SGCZ: variants seen among roughly 807,000 people sequenced by gnomAD.
SGCZ encodes the protein zeta-sarcoglycan.
SGCZ carries 40 observed loss-of-function variants against 41.3 expected under a neutral mutation model. The observed-to-expected ratio is 0.97, with a 90% CI of 0.75 to 1.26. The LOEUF (loss-of-function observed/expected upper bound fraction) is 1.26. SGCZ is among the 50% of genes most tolerant of loss of function. The probability of loss-of-function intolerance (pLI) is 0.00; values close to 1 mark genes in which losing one functional copy is unlikely to be tolerated. For missense variants in SGCZ, 552 were observed against 369.8 expected (o/e 1.49, Z -4.04); for synonymous variants, 206 against 137.5 (o/e 1.50, Z -3.49).
chr8:14,970,922 C>A (rs544690591), intron 1 of SGCZ, among the ~76,000 whole-genome samples: 1 of 152,164 alleles, frequency 6.6e-6, no homozygotes, highest in Non-Finnish European at 1.5e-5. Flanking sequence ...ATCTTTCCAG[C>A]CATGAATACT....
chr8:14,384,417 C>T (rs1804491719), intron 2 of SGCZ, among the ~76,000 whole-genome samples: 1 of 151,882 alleles, frequency 6.6e-6, no homozygotes, highest in South Asian at 2.1e-4. Context: ...CACAAATACA[C>T]CATGGAATAC....
At chr8:14,585,502 C>T (rs1805027909) in intron 1 of SGCZ, among the ~76,000 whole-genome samples, 1 of 151,980 alleles carries the variant, frequency 6.6e-6, no homozygotes, top group South Asian at 2.1e-4. Flanking sequence ...TGGTATTTCT[C>T]CAAAGGTTGC....
intron 1 of SGCZ, among the ~76,000 whole-genome samples, chr8:15,126,171 A>C (rs1807673620): frequency 6.6e-6 from 1 of 152,196 alleles, no homozygotes; most frequent in African/African-American, 2.4e-5. Context: ...ACAAACAAAC[A>C]AAAAATGATT....
chr8:14,624,580 T>A (rs1460269949), intron 1 of SGCZ, among the ~76,000 whole-genome samples: 14 of 136,654 alleles, frequency 1.0e-4, no homozygotes, highest in Admixed American at 4.5e-4. Context: ...TTTTTTTTTT[T>A]TTTTTTTTGA....
chr8:14,485,833 A>ATTTTTTTTTTTTTTTTTTTTTTTTTT (rs71209049), intron 2 of SGCZ, among the ~76,000 whole-genome samples: 1 of 103,368 alleles, frequency 9.7e-6, no homozygotes, highest in Non-Finnish European at 1.9e-5. Flanking sequence ...CTCTAGAACA[A>ATTTTTTTTTTTTTTTTTTTTTTTTTT]TTTTTTTTTT....
At chr8:14,146,275 GTGGTAT>G (rs1183226352) in intron 5 of SGCZ, among the ~76,000 whole-genome samples, 1 of 152,198 alleles carries the variant, frequency 6.6e-6, no homozygotes, top group Non-Finnish European at 1.5e-5. Context: ...CTGGGAGAGA[GTGGTAT>G]GACATATCTC....
chr8:14,283,024 T>C (rs1800502729), intron 3 of SGCZ, among the ~76,000 whole-genome samples: 1 of 150,740 alleles, frequency 6.6e-6, no homozygotes, highest in African/African-American at 2.4e-5. Flanking sequence ...TAATTTTTTG[T>C]ATTTTTAGTA....
intron 1 of SGCZ, among the ~76,000 whole-genome samples, chr8:14,726,142 C>A (rs1038671707): frequency 6.2e-4 from 94 of 150,764 alleles, no homozygotes; most frequent in African/African-American, 2.1e-3. Context: ...ACCTGTAGTC[C>A]CAGCTACTCG....
chr8:15,033,362 C>G (rs1287219721), intron 1 of SGCZ, among the ~76,000 whole-genome samples: 1 of 151,876 alleles, frequency 6.6e-6, no homozygotes, highest in African/African-American at 2.4e-5. Flanking sequence ...CAGGCTAGCA[C>G]AAATAATCCC....
chr8:14,525,981 A>G (rs957892114), intron 2 of SGCZ, among the ~76,000 whole-genome samples: 4 of 149,560 alleles, frequency 2.7e-5, no homozygotes, highest in Admixed American at 1.3e-4. Flanking sequence ...TTCAGTTAAG[A>G]AAAAAAAAAG....
At chr8:14,622,440 C>T (rs1222506246) in intron 1 of SGCZ, among the ~76,000 whole-genome samples, 1 of 152,140 alleles carries the variant, frequency 6.6e-6, no homozygotes, top group Non-Finnish European at 1.5e-5. Context: ...TTCTTCAATT[C>T]TCTAGCTGAG....
At chr8:14,394,748 C>G (rs1180276782) in intron 2 of SGCZ, among the ~76,000 whole-genome samples, 1 of 151,884 alleles carries the variant, frequency 6.6e-6, no homozygotes, top group African/African-American at 2.4e-5. Context: ...GTATTTTCAG[C>G]GATTGGGTGG....
At chr8:14,402,331 G>A (rs1799100938) in intron 2 of SGCZ, among the ~76,000 whole-genome samples, 1 of 151,580 alleles carries the variant, frequency 6.6e-6, no homozygotes, top group African/African-American at 2.4e-5. Flanking sequence ...TGTTGCCATT[G>A]CTTTTGGTGT....
intron 1 of SGCZ, among the ~76,000 whole-genome samples, chr8:14,646,226 C>G (rs1238792567): frequency 2.5e-5 from 3 of 121,186 alleles, no homozygotes; most frequent in Non-Finnish European, 5.2e-5. Context: ...TAGTAGTTGC[C>G]AGTATCTACT....
At chr8:15,211,684 G>A (rs1467316925) in intron 1 of SGCZ, among the ~76,000 whole-genome samples, 5 of 151,698 alleles carry the variant, frequency 3.3e-5, no homozygotes, top group Middle Eastern at 3.2e-3. Flanking sequence ...TCCTATTATC[G>A]CCCGCCTATG....
At chr8:15,121,279 C>A (rs1053795699) in intron 1 of SGCZ, among the ~76,000 whole-genome samples, 11 of 152,182 alleles carry the variant, frequency 7.2e-5, no homozygotes, top group Non-Finnish European at 1.5e-4. Context: ...ATCTGCTATT[C>A]CTCCAAGCTC....
At chr8:15,082,867 T>G (rs1805804595) in intron 1 of SGCZ, among the ~76,000 whole-genome samples, 1 of 152,186 alleles carries the variant, frequency 6.6e-6, no homozygotes, top group South Asian at 2.1e-4. Flanking sequence ...TTTGAAAGGC[T>G]GACTTCGAAG....
intron 1 of SGCZ, among the ~76,000 whole-genome samples, chr8:14,937,604 C>T (rs1029760790): frequency 2.5e-4 from 38 of 152,046 alleles, no homozygotes; most frequent in African/African-American, 8.2e-4. Context: ...TATATACGTA[C>T]GCATATAGAG....
chr8:14,655,510 T>G (rs1359975684), intron 1 of SGCZ, among the ~76,000 whole-genome samples: 1 of 152,150 alleles, frequency 6.6e-6, no homozygotes, highest in Non-Finnish European at 1.5e-5. Flanking sequence ...AATTCAACTT[T>G]GGTTAGAAAG....
Sources: gnomAD v4.1 joint callset for allele counts (sites outside exome capture counted in the v4.1 genomes callset) on GRCh38, gnomAD v4.1.1 for gene constraint, MANE v1.5 for transcripts, NCBI Gene and HGNC (gene_info 2026-07-23, HGNC 2026-07-21) for gene names.